The following AOPEP variants were observed in gnomAD, a reference collection of about 807,000 sequenced individuals.
AOPEP encodes aminopeptidase O (putative).
Under a neutral mutation model 98.1 loss-of-function variants are expected in AOPEP, and 77 were observed. The observed-to-expected ratio is 0.78, with a 90% CI of 0.65 to 0.95. AOPEP has a LOEUF of 0.95. AOPEP is among the 40% of genes least tolerant of loss of function. The pLI is 0.00. For synonymous variants in AOPEP, 346 were observed against 365.3 expected (o/e 0.95, Z 0.60); for missense variants, 1,024 against 1,024.7 (o/e 1.00, Z 0.01).
chr9:94,728,639 G>T (rs1222264616), intron 1 of AOPEP, among the ~76,000 whole-genome samples: 2 of 152,200 alleles, frequency 1.3e-5, no homozygotes, highest in African/African-American at 4.8e-5. Flanking sequence ...CATTTGTGAG[G>T]TGGAAAGGGC....
chr9:94,983,858 C>T (rs938527356), intron 11 of AOPEP, among the ~76,000 whole-genome samples: 1 of 147,466 alleles, frequency 6.8e-6, no homozygotes, highest in Non-Finnish European at 1.5e-5. Context: ...CCCCTCCCCC[C>T]TCCCCCGGAA....
chr9:94,793,712 G>A (rs1359185714), intron 4 of AOPEP, among the ~76,000 whole-genome samples: 3 of 151,768 alleles, frequency 2.0e-5, no homozygotes, highest in Non-Finnish European at 2.9e-5. Context: ...AGGAAAGCGA[G>A]TTGAGAAGAA....
At chr9:94,828,066 A>G (rs1275561619) in intron 5 of AOPEP, among the ~76,000 whole-genome samples, 5 of 152,210 alleles carry the variant, frequency 3.3e-5, no homozygotes, top group Non-Finnish European at 5.9e-5. Flanking sequence ...GGAAGCAGGG[A>G]GGAGGAGCAG....
At chr9:95,014,688 A>C (rs1433520605) in intron 13 of AOPEP, among the ~76,000 whole-genome samples, 1 of 152,092 alleles carries the variant, frequency 6.6e-6, no homozygotes, top group Non-Finnish European at 1.5e-5. Context: ...GCGCTTTCTG[A>C]AGTACCTCAT....
chr9:94,981,632 C>G (rs1429571000), intron 11 of AOPEP, among the ~76,000 whole-genome samples: 1 of 152,194 alleles, frequency 6.6e-6, no homozygotes, highest in Non-Finnish European at 1.5e-5. Context: ...TTCCACTTCA[C>G]TGAAAGGCTC....
intron 14 of AOPEP, among the ~76,000 whole-genome samples, chr9:95,077,400 C>T (rs115357560): frequency 0.012 from 1,838 of 152,298 alleles, 40 homozygotes; most frequent in African/African-American, 0.041. Context: ...CCGGTCGCCC[C>T]GCCAGGATGC....
At chr9:94,849,645 C>G (rs2043294961) in intron 5 of AOPEP, among the ~76,000 whole-genome samples, 1 of 151,924 alleles carries the variant, frequency 6.6e-6, no homozygotes, top group Middle Eastern at 3.2e-3. Context: ...ATGAAACTGT[C>G]CCACTTCGAA....
intron 2 of AOPEP, among the ~76,000 whole-genome samples, chr9:94,767,719 C>T (rs1323430039): frequency 6.6e-6 from 1 of 152,208 alleles, no homozygotes; most frequent in Non-Finnish European, 1.5e-5. Flanking sequence ...CAAAACATCT[C>T]TGGTGAAGAA....
chr9:95,000,099 C>T (rs565848361), intron 11 of AOPEP, among the ~76,000 whole-genome samples: 3 of 152,152 alleles, frequency 2.0e-5, no homozygotes, highest in South Asian at 2.1e-4. Flanking sequence ...CTAAGAGGTC[C>T]GTTTGGCAGG....
intron 7 of AOPEP, among the ~76,000 whole-genome samples, chr9:94,940,262 T>C (rs1408990487): frequency 6.6e-6 from 1 of 152,186 alleles, no homozygotes; most frequent in Non-Finnish European, 1.5e-5. Flanking sequence ...ATTTAGAACA[T>C]GTATGTTAAG....
At chr9:95,093,445 T>C in the AOPEP span, among the ~76,000 whole-genome samples, 1 of 152,334 alleles carries the variant, frequency 6.6e-6, no homozygotes, top group African/African-American at 2.4e-5. Flanking sequence ...CTTTTAAAGT[T>C]ACAGATGGTG....
intron 5 of AOPEP, among the ~76,000 whole-genome samples, chr9:94,849,502 C>CTTTTTTTTTTT (rs1483175118): frequency 1.5e-5 from 1 of 66,280 alleles, no homozygotes; most frequent in African/African-American, 4.3e-5. Flanking sequence ...TTCTTTCTTT[C>CTTTTTTTTTTT]TTTCTTTTTT....
At chr9:94,819,257 C>T (rs1852420172) in intron 5 of AOPEP, among the ~76,000 whole-genome samples, 2 of 152,218 alleles carry the variant, frequency 1.3e-5, no homozygotes, top group South Asian at 2.1e-4. Flanking sequence ...GAGCCATTAT[C>T]TGACTTGTGT....
intron 7 of AOPEP, 68 bp downstream of exon 7, chr9:94,928,599 C>T: frequency 9.5e-7 from 1 of 1,057,852 alleles, no homozygotes; most frequent in Non-Finnish European, 1.4e-6. Context: ...ACCTCCCTGC[C>T]AACTGATGAC....
At chr9:94,863,086 C>A (rs2045255643) in intron 5 of AOPEP, among the ~76,000 whole-genome samples, 2 of 152,142 alleles carry the variant, frequency 1.3e-5, no homozygotes, top group South Asian at 4.1e-4. Flanking sequence ...TTAGGTAAGA[C>A]AGAAGTTTCC....
chr9:95,024,486 G>A (rs1463038318), intron 13 of AOPEP, among the ~76,000 whole-genome samples: 2 of 152,212 alleles, frequency 1.3e-5, no homozygotes, highest in African/African-American at 4.8e-5. Flanking sequence ...CCTAGGCCTA[G>A]GGAAACGCCA....
intron 14 of AOPEP, among the ~76,000 whole-genome samples, chr9:95,062,648 G>T (rs1156517464): frequency 3.9e-5 from 6 of 152,238 alleles, no homozygotes; most frequent in Admixed American, 1.3e-4. Flanking sequence ...TTCTTTCTAT[G>T]TGTGGTGCTT....
the AOPEP span, chr9:95,101,272 TA>T: frequency 3.2e-6 from 1 of 310,018 alleles, no homozygotes; most frequent in East Asian, 4.8e-5. Flanking sequence ...CCCTGACTCC[TA>T]AAAAGAGTCT....
At chr9:94,898,045 G>A (rs978282974) in intron 5 of AOPEP, among the ~76,000 whole-genome samples, 4 of 151,862 alleles carry the variant, frequency 2.6e-5, no homozygotes, top group African/African-American at 9.7e-5. Context: ...TCACCATGTT[G>A]GCCAGGCTGG....
Sources: allele counts gnomAD v4.1 joint callset (sites outside exome capture counted in the v4.1 genomes callset), GRCh38; gene constraint gnomAD v4.1.1; transcripts MANE v1.5; gene names NCBI Gene and HGNC (gene_info 2026-07-23, HGNC 2026-07-21).